SAMD12: variants seen among roughly 807,000 people sequenced by gnomAD.
The protein encoded by SAMD12 is sterile alpha motif domain-containing protein 12.
A neutral mutation model predicts 15.0 loss-of-function variants in SAMD12; 9 were observed. The observed-to-expected ratio is 0.60, with a 90% CI of 0.36 to 1.05. The LOEUF (loss-of-function observed/expected upper bound fraction) is 1.05, where lower values mean the gene tolerates loss of function less well. Among genes scored for constraint, SAMD12 ranks in the 50% least tolerant of loss-of-function variants. The probability of loss-of-function intolerance (pLI) is 0.01; values close to 1 mark genes in which losing one functional copy is unlikely to be tolerated. For missense variants in SAMD12, 230 were observed against 234.2 expected (o/e 0.98, Z 0.12); for synonymous variants, 86 against 90.1 (o/e 0.96, Z 0.25).
chr8:118,468,244 T>A (rs909804801), intron 2 of SAMD12, among the ~76,000 whole-genome samples: 3 of 152,142 alleles, frequency 2.0e-5, no homozygotes, highest in Non-Finnish European at 4.4e-5. Flanking sequence ...AAAAAGTGTA[T>A]CATCATAATC....
At chr8:118,557,960 A>G (rs1729274355) in intron 2 of SAMD12, among the ~76,000 whole-genome samples, 1 of 152,148 alleles carries the variant, frequency 6.6e-6, no homozygotes, top group African/African-American at 2.4e-5. Context: ...CTCTAGTTCA[A>G]TAATTTTAAC....
At chr8:118,300,592 T>C (rs554796827) in intron 4 of SAMD12, among the ~76,000 whole-genome samples, 1 of 152,302 alleles carries the variant, frequency 6.6e-6, no homozygotes, top group South Asian at 2.1e-4. Flanking sequence ...CCCACATCAA[T>C]AGCATTGGAA....
At chr8:118,549,373 G>GA (rs1770393953) in intron 2 of SAMD12, among the ~76,000 whole-genome samples, 1 of 152,174 alleles carries the variant, frequency 6.6e-6, no homozygotes, top group Non-Finnish European at 1.5e-5. Context: ...CGTGGTTCAC[G>GA]AAAAACCACT....
At chr8:118,569,272 A>G (rs972512869) in intron 2 of SAMD12, among the ~76,000 whole-genome samples, 4 of 152,188 alleles carry the variant, frequency 2.6e-5, no homozygotes, top group African/African-American at 9.6e-5. Context: ...GCACAAAATT[A>G]TTTAAAATAT....
At chr8:118,617,903 A>C (rs187122691) in intron 1 of SAMD12, among the ~76,000 whole-genome samples, 1 of 152,120 alleles carries the variant, frequency 6.6e-6, no homozygotes, top group Non-Finnish European at 1.5e-5. Context: ...AGAAAACATC[A>C]ATAGGTTTAA....
the SAMD12 span, among the ~76,000 whole-genome samples, chr8:118,163,331 C>T: frequency 2.6e-5 from 4 of 152,176 alleles, no homozygotes; most frequent in Non-Finnish European, 4.4e-5. Flanking sequence ...CCTCCTGCTT[C>T]AGCCTCCCAA....
chr8:118,313,055 G>T (rs1171788341), intron 4 of SAMD12, among the ~76,000 whole-genome samples: 1 of 152,088 alleles, frequency 6.6e-6, no homozygotes, highest in South Asian at 2.1e-4. Context: ...TATTACATAG[G>T]TCTCAAAATT....
At chr8:118,438,408 T>G (rs1258381116) in intron 3 of SAMD12, among the ~76,000 whole-genome samples, 1 of 89,192 alleles carries the variant, frequency 1.1e-5, no homozygotes, top group Non-Finnish European at 2.2e-5. Context: ...AGTGCTTAAA[T>G]GTTTAAAAAA....
intron 3 of SAMD12, among the ~76,000 whole-genome samples, chr8:118,409,271 T>C (rs1821284121): frequency 6.6e-6 from 1 of 152,130 alleles, no homozygotes; most frequent in South Asian, 2.1e-4. Context: ...GACTAGATCA[T>C]TGACGAGATG....
chr8:118,329,818 T>C (rs933009145), intron 4 of SAMD12, among the ~76,000 whole-genome samples: 2 of 152,178 alleles, frequency 1.3e-5, no homozygotes, highest in Non-Finnish European at 2.9e-5. Context: ...ACAATTTATG[T>C]CATCATAATT....
At chr8:118,442,485 C>T (rs1822792758) in intron 2 of SAMD12, among the ~76,000 whole-genome samples, 1 of 152,122 alleles carries the variant, frequency 6.6e-6, no homozygotes, top group African/African-American at 2.4e-5. Flanking sequence ...ATTGACTTTG[C>T]CTAATTTTGA....
chr8:118,202,695 A>C (rs1323180711), intron 4 of SAMD12, among the ~76,000 whole-genome samples: 3 of 152,198 alleles, frequency 2.0e-5, no homozygotes, highest in Admixed American at 2.0e-4. Context: ...TCATCCTTTA[A>C]AAGGGCTGTT....
intron 1 of SAMD12, among the ~76,000 whole-genome samples, chr8:118,610,306 T>C (rs973748603): frequency 6.6e-5 from 10 of 152,210 alleles, no homozygotes; most frequent in Non-Finnish European, 1.5e-5. Context: ...TGTTTTATTA[T>C]AATGCTGTTT....
the SAMD12 span, among the ~76,000 whole-genome samples, chr8:118,169,665 T>A: frequency 6.6e-6 from 1 of 152,210 alleles, no homozygotes; most frequent in Non-Finnish European, 1.5e-5. Context: ...CAGGGAGACC[T>A]ATGGATAGTT....
intron 2 of SAMD12, among the ~76,000 whole-genome samples, chr8:118,468,129 A>G (rs1445976566): frequency 2.0e-5 from 3 of 152,204 alleles, no homozygotes; most frequent in Non-Finnish European, 2.9e-5. Flanking sequence ...AACACACAGC[A>G]GAGTACCCTA....
intron 4 of SAMD12, among the ~76,000 whole-genome samples, chr8:118,212,927 G>GA (rs1811869557): frequency 6.6e-6 from 1 of 152,108 alleles, no homozygotes; most frequent in African/African-American, 2.4e-5. Context: ...TACGGTAAAT[G>GA]AAAGAGCATA....
At chr8:118,434,391 G>A (rs1305272798) in intron 3 of SAMD12, among the ~76,000 whole-genome samples, 4 of 152,158 alleles carry the variant, frequency 2.6e-5, no homozygotes, top group Admixed American at 2.6e-4. Flanking sequence ...AGTAGACCAA[G>A]GAAACCCTTT....
intron 4 of SAMD12, among the ~76,000 whole-genome samples, chr8:118,308,510 C>T (rs553710168): frequency 2.0e-5 from 3 of 152,242 alleles, no homozygotes; most frequent in South Asian, 2.1e-4. Context: ...CCAGCAGAAC[C>T]GGTAAATGTT....
intron 4 of SAMD12, among the ~76,000 whole-genome samples, chr8:118,302,878 C>CA (rs1815122831): frequency 6.6e-6 from 1 of 151,994 alleles, no homozygotes. Flanking sequence ...ATTATCTAGG[C>CA]AAAAAATTAT....
Sources: gnomAD v4.1 joint callset for allele counts (sites outside exome capture counted in the v4.1 genomes callset) on GRCh38, gnomAD v4.1.1 for gene constraint, MANE v1.5 for transcripts, NCBI Gene and HGNC (gene_info 2026-07-23, HGNC 2026-07-21) for gene names.